Variants in ARHGAP18 observed in about 807,000 individuals in gnomAD.
The protein encoded by ARHGAP18 is Rho GTPase activating protein 18.
ARHGAP18 carries 67 observed loss-of-function variants against 86.2 expected under a neutral mutation model. The ratio of observed to expected loss-of-function variants is 0.78; its 90% confidence interval spans 0.64 to 0.95. ARHGAP18 has a LOEUF of 0.95. Among genes scored for constraint, ARHGAP18 ranks in the 40% least tolerant of loss-of-function variants. The probability of loss-of-function intolerance (pLI) is 0.00; values close to 1 mark genes in which losing one functional copy is unlikely to be tolerated. For synonymous variants in ARHGAP18, 283 were observed against 280.4 expected (o/e 1.01, Z -0.09); for missense variants, 691 against 780.4 (o/e 0.89, Z 1.37).
At position 129,600,691 on chromosome 6, in the gene ARHGAP18, G is replaced by A. The variant is rs1241041655; in HGVS notation, c.1523C>T (p.Thr508Ile). ...EQREFVMAAG[T>I]ANTMHLLIKY... is the part of the protein sequence containing the mutation. ...AATCAATAAGTGCATGGTATTTGCTGTCCCAGCTGCCATTACAAATTCTCG... is the reference window on the plus strand; with the variant it reads ...AATCAATAAGTGCATGGTATTTGCTATCCCAGCTGCCATTACAAATTCTCG... Residue 508 changes from threonine to isoleucine, a missense_variant, in exon 11 of 15, where the codon ACA becomes ATA. Physicochemically the swap from Thr to Ile is moderately conservative, Grantham distance 89. Coordinates refer to ENST00000368149, the MANE Select transcript of ARHGAP18 (RefSeq NM_033515.3). The A allele has an allele frequency of 2.5e-6, 4 of 1,613,696 alleles. No individual in the cohort carries two copies. Among genetic ancestry groups the A allele is most frequent in the Non-Finnish European group, 1.7e-6 (2 of 1,179,780 alleles).
chr6:129,689,211 G>A (rs888709121), intron 1 of ARHGAP18, among the ~76,000 whole-genome samples: 2 of 152,166 alleles, frequency 1.3e-5, no homozygotes, highest in African/African-American at 4.8e-5. Flanking sequence ...GGAGAAACCT[G>A]ACAGCTGAGA....
intron 1 of ARHGAP18, among the ~76,000 whole-genome samples, chr6:129,646,787 A>AGAGAGT (rs1325206632): frequency 6.6e-6 from 1 of 152,156 alleles, no homozygotes; most frequent in Non-Finnish European, 1.5e-5. Flanking sequence ...TATTCTCATG[A>AGAGAGT]GAGAGTGAGA....
chr6:129,581,837 G>T (rs1245474333), intron 13 of ARHGAP18, among the ~76,000 whole-genome samples: 3 of 152,136 alleles, frequency 2.0e-5, no homozygotes, highest in African/African-American at 7.2e-5. Flanking sequence ...GAATGTGGTG[G>T]AAGAAATATA....
chr6:129,638,524 G>A lies in ARHGAP18; in HGVS notation c.422C>T (p.Thr141Met). The A allele has an allele frequency of 1.2e-6, 2 of 1,614,076 alleles. No homozygotes were observed. The highest frequency in any genetic ancestry group is 1.7e-6 in the Non-Finnish European group (2 of 1,180,024). The part of the protein sequence containing the change: ...QESIVFLSTL[T>M]RTQAAAVQKR... ...CTGAACTGCTGCTGCCTGGGTCCGC[G>A]TCAATGTTGATAAAAACACAATGCT... Residue 141 changes from threonine (T) to methionine (M), a missense_variant, in exon 3 of 15, where the codon ACG becomes ATG. Transcript: ENST00000368149.
At chr6:129,705,396 T>C (rs1435144828) in intron 1 of ARHGAP18, among the ~76,000 whole-genome samples, 1 of 152,190 alleles carries the variant, frequency 6.6e-6, no homozygotes, top group Non-Finnish European at 1.5e-5. Flanking sequence ...ACCCACATTC[T>C]ATCTTGCCAT....
intron 1 of ARHGAP18, among the ~76,000 whole-genome samples, chr6:129,691,020 G>A (rs968197553): frequency 2.6e-5 from 4 of 151,944 alleles, no homozygotes; most frequent in African/African-American, 9.7e-5. Flanking sequence ...TTATATATTG[G>A]GCTCAATATA....
At chr6:129,649,974 G>A (rs983266078) in intron 1 of ARHGAP18, among the ~76,000 whole-genome samples, 3 of 148,172 alleles carry the variant, frequency 2.0e-5, no homozygotes, top group Admixed American at 6.8e-5. Flanking sequence ...GTGCAATGGC[G>A]TGATCTCGGC....
rs568219817 is a variant in ARHGAP18, at chr6:129,625,451, T to A, written c.786+3902A>T. 6.3e-3 allele frequency among the ~76,000 whole-genome samples: 324 copies of A among 51,764 alleles called. 47 individuals carry two copies. The highest frequency in any genetic ancestry group is 0.022 in the African/African-American group (268 of 12,128). 34.0% of individuals were successfully genotyped at this position (51,764 alleles called of 152,430 possible). On this transcript the variant is annotated intron_variant, in intron 5 of 14. Transcript: ENST00000368149. ...ATTATATATAATATATATTTTATATTATATATTATATATAATATATATTTT... is the reference window on the plus strand; with the variant it reads ...ATTATATATAATATATATTTTATATAATATATTATATATAATATATATTTT...
chr6:129,663,572 T>C (rs1277307869), intron 1 of ARHGAP18, among the ~76,000 whole-genome samples: 1 of 151,972 alleles, frequency 6.6e-6, no homozygotes, highest in Non-Finnish European at 1.5e-5. Context: ...TCTAAAAAGG[T>C]CTCCTGACTC....
At chr6:129,675,074 C>T (rs1480727839) in intron 1 of ARHGAP18, among the ~76,000 whole-genome samples, 1 of 152,164 alleles carries the variant, frequency 6.6e-6, no homozygotes, top group Non-Finnish European at 1.5e-5. Flanking sequence ...TAAACATCTG[C>T]ACAGGTATTT....
chr6:129,599,298 T>C lies in ARHGAP18; in HGVS notation c.1631A>G (p.Asp544Gly). 1 of 1,596,178 alleles carries C rather than the reference T, an allele frequency of 6.3e-7. No homozygotes were observed. Among genetic ancestry groups the C allele is most frequent in the Non-Finnish European group, 8.5e-7 (1 of 1,173,454 alleles). The change falls in exon 12 of 15, where the codon GAT becomes GGT. Residue 544 changes from aspartate to glycine, a missense_variant. By Grantham distance (94) the Asp-to-Gly change is moderately conservative. Transcript: ENST00000368149. Reference sequence around the variant, plus strand: ...CAGCAATTTCTTCATGGCTCTTTTATCCTTTTTATGATTTTCCGTGTTTTG... The same window carrying C: ...CAGCAATTTCTTCATGGCTCTTTTACCCTTTTTATGATTTTCCGTGTTTTG... ...RKQNTENHKK[D>G]KRAMKKLLKK...
Position 129,659,402 on chromosome 6 carries a change from C to A in ARHGAP18, c.114-17384G>T, listed in dbSNP as rs141717073. Among the ~76,000 whole-genome samples the A allele has an allele frequency of 7.5e-4, 115 of 152,370 alleles. 1 individual carries two copies. The highest frequency in any genetic ancestry group is 2.7e-3 in the African/African-American group (111 of 41,592). On this transcript the variant is annotated intron_variant, in intron 1 of 14. Coordinates refer to ENST00000368149, the MANE Select transcript of ARHGAP18 (RefSeq NM_033515.3). ...CAGAGAAAACCTACTTTATTCCACA[C>A]TATGCCAAACTGTGGAACGCAGGTG...
chr6:129,699,102 G>T (rs1774670582), intron 1 of ARHGAP18, among the ~76,000 whole-genome samples: 1 of 152,126 alleles, frequency 6.6e-6, no homozygotes, highest in Admixed American at 6.5e-5. Flanking sequence ...CTCCCAAAGT[G>T]CTGGGATTCA....
At chr6:129,615,028 G>T (rs1358477416) in intron 7 of ARHGAP18, among the ~76,000 whole-genome samples, 2 of 151,960 alleles carry the variant, frequency 1.3e-5, no homozygotes, top group Non-Finnish European at 2.9e-5. Flanking sequence ...CCCCACAATT[G>T]TGTGAGCCAA....
At chr6:129,593,161 T>C (rs1366796491) in intron 12 of ARHGAP18, among the ~76,000 whole-genome samples, 1 of 152,048 alleles carries the variant, frequency 6.6e-6, no homozygotes, top group Non-Finnish European at 1.5e-5. Flanking sequence ...TTTTGTTTTG[T>C]TCTAAAATAA....
chr6:129,709,763 T>C (rs1241687231), intron 1 of ARHGAP18, among the ~76,000 whole-genome samples: 4 of 152,252 alleles, frequency 2.6e-5, no homozygotes, highest in African/African-American at 9.6e-5. Context: ...ACCTGCTAAA[T>C]AGCTAGTCTG....
chr6:129,656,900 C>T (rs2114514991), intron 1 of ARHGAP18, among the ~76,000 whole-genome samples: 1 of 152,302 alleles, frequency 6.6e-6, no homozygotes, highest in African/African-American at 2.4e-5. Flanking sequence ...CTTTATCATA[C>T]CTTGAGTTGG....
At chr6:129,689,602 A>C (rs1320502202) in intron 1 of ARHGAP18, among the ~76,000 whole-genome samples, 5 of 152,170 alleles carry the variant, frequency 3.3e-5, no homozygotes, top group African/African-American at 4.8e-5. Context: ...CAAGAAGGAG[A>C]AACAGGCATA....
intron 1 of ARHGAP18, among the ~76,000 whole-genome samples, chr6:129,650,681 C>T (rs1235594437): frequency 6.6e-6 from 1 of 152,198 alleles, no homozygotes; most frequent in Non-Finnish European, 1.5e-5. Context: ...CCACTTCATT[C>T]TATTATCTGT....
Sources: allele counts gnomAD v4.1 joint callset (sites outside exome capture counted in the v4.1 genomes callset), GRCh38; gene constraint gnomAD v4.1.1; transcripts MANE v1.5; gene names NCBI Gene and HGNC (gene_info 2026-07-23, HGNC 2026-07-21).